Variants in IL12RB1 observed in about 807,000 individuals in gnomAD.
IL12RB1 encodes the protein interleukin-12 receptor subunit beta-1.
IL12RB1 carries 64 observed loss-of-function variants against 94.4 expected under a neutral mutation model. The ratio of observed to expected loss-of-function variants is 0.68; its 90% CI spans 0.55 to 0.83. The LOEUF (loss-of-function observed/expected upper bound fraction) is 0.83. IL12RB1 is among the 40% of genes least tolerant of loss of function. IL12RB1 has a pLI of 0.00. For missense variants in IL12RB1, 814 were observed against 855.6 expected (o/e 0.95, Z 0.61); for synonymous variants, 362 against 355.5 (o/e 1.02, Z -0.21).
At chr19:18,093,363 T>C (rs61148436) in intron 1 of IL12RB1, among the ~76,000 whole-genome samples, 6 of 86,144 alleles carry the variant, frequency 7.0e-5, no homozygotes, top group East Asian at 2.4e-4. Context: ...TGTGTGTGCG[T>C]GTGTGTGTGT....
At chr19:18,060,452 C>T (rs2034040477) in intron 15 of IL12RB1, among the ~76,000 whole-genome samples, 1 of 152,150 alleles carries the variant, frequency 6.6e-6, no homozygotes, top group African/African-American at 2.4e-5. Flanking sequence ...GCACTCCAGG[C>T]TGGGTGACAG....
rs962386763 is a variant in IL12RB1, at chr19:18,062,172, G to A, written c.1715+9C>T. ...CATCGCTATGGTAACGGTAAGAGGT[G>A]TCAGTTACCTGTTCAGGCCAAGGTA... On this transcript the variant is annotated intron_variant, in intron 14 of 16. Transcript: ENST00000593993. 6 of 1,568,408 alleles carry A rather than the reference G, an allele frequency of 3.8e-6. No homozygotes were observed. The Admixed American group carries it at 8.3e-5, about 22-fold the overall frequency.
At chr19:18,065,497 G>A (rs2034508871) in intron 12 of IL12RB1, among the ~76,000 whole-genome samples, 1 of 152,076 alleles carries the variant, frequency 6.6e-6, no homozygotes, top group South Asian at 2.1e-4. Flanking sequence ...CAAGGTGGGA[G>A]GATAGTTTGA....
rs865858530 is a variant in IL12RB1, at chr19:18,082,214, G to A, written c.175C>T (p.Arg59Cys). The change falls in exon 3 of 17, where the codon CGT (arginine) becomes TGT (cysteine). Residue 59 changes from arginine to cysteine, a missense_variant. Physicochemically the swap from Arg to Cys is radical, Grantham distance 180 (BLOSUM62 -3). Transcript: ENST00000593993. ...TCATACTGCCAGGAGCACTCGTAAC[G>A]ATCACTGGATATCCGATAGCATCTC... ...DLRCYRISSD[R>C]YECSWQYEGP... 11 of 1,613,714 alleles carry A rather than the reference G, an allele frequency of 6.8e-6. No homozygotes were observed. Among genetic ancestry groups the A allele is most frequent in the South Asian group, 1.1e-5 (1 of 91,062 alleles).
intron 12 of IL12RB1, among the ~76,000 whole-genome samples, chr19:18,064,986 C>A (rs745494384): frequency 2.6e-5 from 4 of 152,180 alleles, no homozygotes; most frequent in Non-Finnish European, 4.4e-5. Context: ...TCCCACAACC[C>A]GGAAGTTACT....
At chr19:18,093,347 T>C (rs982134410) in intron 1 of IL12RB1, among the ~76,000 whole-genome samples, 26 of 143,816 alleles carry the variant, frequency 1.8e-4, no homozygotes, top group African/African-American at 6.5e-4. Context: ...TATATATATA[T>C]ACTTGTGTGT....
At chr19:18,060,939 C>G (rs2034078178) in intron 15 of IL12RB1, among the ~76,000 whole-genome samples, 183 bp downstream of exon 15, 1 of 152,126 alleles carries the variant, frequency 6.6e-6, no homozygotes, top group Admixed American at 6.6e-5. Flanking sequence ...ACTTTGAATT[C>G]TGTTTCTAGT....
At chr19:18,084,953 G>C (rs1208731865) in intron 1 of IL12RB1, among the ~76,000 whole-genome samples, 1 of 152,240 alleles carries the variant, frequency 6.6e-6, no homozygotes, top group Non-Finnish European at 1.5e-5. Flanking sequence ...GTGCATGGCA[G>C]GGAGAGGCCT....
chr19:18,079,397 C>T (rs1453300902), intron 4 of IL12RB1, among the ~76,000 whole-genome samples: 1 of 152,118 alleles, frequency 6.6e-6, no homozygotes, highest in Non-Finnish European at 1.5e-5. Flanking sequence ...AACCACTGCA[C>T]CCAGCCCTTA....
chr19:18,082,187 C>T lies in IL12RB1; in HGVS notation c.202G>A (p.Gly68Ser). ...AAGTGGCTGACCCCAGCTGTGGGAC[C>T]CTCATACTGCCAGGAGCACTCGTAA... Reference protein sequence around the residue: ...DRYECSWQYEGPTAGVSHFLR... With the variant: ...DRYECSWQYESPTAGVSHFLR... The change falls in exon 3 of 17, where the codon GGT becomes AGT. Residue 68 changes from glycine (G) to serine (S), a missense_variant. Transcript: ENST00000593993. The T allele has an allele frequency of 1.9e-6, 3 of 1,613,702 alleles. No individual in the cohort carries two copies. The highest frequency in any genetic ancestry group is 2.5e-6 in the Non-Finnish European group (3 of 1,179,742).
intron 13 of IL12RB1, 138 bp downstream of exon 13, chr19:18,063,738 T>C (rs1395252699): frequency 4.0e-6 from 3 of 747,764 alleles, no homozygotes; most frequent in Non-Finnish European, 6.3e-6. Context: ...TGGGAGCAGT[T>C]TGAGCTGCTA....
At position 18,072,088 on chromosome 19, in the gene IL12RB1, G is replaced by A. The variant is rs17881983; in HGVS notation, c.1021+24C>T. ...CTCAGCTCTGAGGGGCCCTCATACC[G>A]CCCTCCCCACCCAGAGGAGGCACCT... On this transcript the variant is annotated intron_variant, in intron 9 of 16. Transcript: ENST00000593993. 1.3e-3 allele frequency: 2,012 copies of A among 1,497,940 alleles called. 26 individuals are homozygous for A. The African/African-American group carries it at 0.024, about 18-fold the overall frequency. 92.8% of individuals were successfully genotyped at this position (1,497,940 alleles called of 1,614,324 possible). A position where few individuals can be genotyped will look rare whatever the true frequency, so the allele number is the denominator to read the frequency against.
intron 3 of IL12RB1, among the ~76,000 whole-genome samples, chr19:18,081,520 C>T (rs144182337): frequency 0.012 from 1,832 of 151,708 alleles, 50 homozygotes; most frequent in African/African-American, 0.042. Flanking sequence ...CACCACACAG[C>T]GAAGAAACGA....
At chr19:18,072,463 A>C (rs955428545) in intron 8 of IL12RB1, 114 bp from the exon 9 acceptor site, 1 of 736,364 alleles carries the variant, frequency 1.4e-6, no homozygotes, top group Non-Finnish European at 2.5e-6. Flanking sequence ...ACAGCCAATA[A>C]CATGCATCAA....
rs143866350 is a variant in IL12RB1, at chr19:18,081,985, C to T, written c.239+165G>A. On this transcript the variant is annotated intron_variant, in intron 3 of 16. Transcript: ENST00000593993. The stretch of plus-strand genomic sequence containing the variant: ...GGATGCCTACCTTCACTGACCAACC[C>T]CCCACCACAATCCTCCAACTCTCTC... 9.8e-3 allele frequency among the ~76,000 whole-genome samples: 1,485 copies of T among 152,146 alleles called. 80 individuals carry two copies. The highest frequency in any genetic ancestry group is 0.089 in the Admixed American group (1,357 of 15,242).
chr19:18,098,643 A>G (rs2037241537), intron 1 of IL12RB1: 1 of 451,600 alleles, frequency 2.2e-6, no homozygotes, highest in Admixed American at 2.4e-5. Flanking sequence ...TGTCCCCATT[A>G]TAAGAAAAGA....
chr19:18,077,737 G>C, intron 4 of IL12RB1, 82 bp from the exon 5 acceptor site: 1 of 837,572 alleles, frequency 1.2e-6, no homozygotes, highest in Non-Finnish European at 2.1e-6. Context: ...CCTGTCCAGG[G>C]TAAGCAACTG....
upstream of IL12RB1, among the ~76,000 whole-genome samples, chr19:18,091,159 T>G (rs2036607666): frequency 1.3e-5 from 2 of 152,114 alleles, no homozygotes; most frequent in South Asian, 4.1e-4. Flanking sequence ...ATTTCTCCCC[T>G]TATTGAAGTC....
At chr19:18,089,903 ACT>A (rs2036556735), upstream of IL12RB1, among the ~76,000 whole-genome samples, 1 of 151,744 alleles carries the variant, frequency 6.6e-6, no homozygotes, top group African/African-American at 2.4e-5. Flanking sequence ...AGGGACAAAG[ACT>A]CAGTGTCCTG....
Sources: gnomAD v4.1 joint callset for allele counts (sites outside exome capture counted in the v4.1 genomes callset) on GRCh38, gnomAD v4.1.1 for gene constraint, MANE v1.5 for transcripts, NCBI Gene and HGNC (gene_info 2026-07-23, HGNC 2026-07-21) for gene names.